PTPRG: variants seen among roughly 807,000 people sequenced by gnomAD.
The protein encoded by PTPRG is receptor-type tyrosine-protein phosphatase gamma.
Under a neutral mutation model 165.3 loss-of-function variants are expected in PTPRG, and 102 were observed. That is an observed-to-expected ratio of 0.62 (90% CI 0.53 to 0.73). The LOEUF (loss-of-function observed/expected upper bound fraction) is 0.73. Ranked by LOEUF, PTPRG falls within the 30% of genes least tolerant of loss-of-function variation. PTPRG has a pLI of 0.00. For synonymous variants in PTPRG, 675 were observed against 669.5 expected (o/e 1.01, Z -0.13); for missense variants, 1,866 against 1,861.4 (o/e 1.00, Z -0.05).
chr3:62,229,970 G>T lies in PTPRG; in HGVS notation c.2289-1255G>T, dbSNP rs1700856635. Among the ~76,000 whole-genome samples, 2 of 152,190 alleles carry T rather than the reference G, an allele frequency of 1.3e-5. No individual in the cohort carries two copies. The highest frequency in any genetic ancestry group is 4.8e-5 in the African/African-American group (2 of 41,450). ...GAAGCTGCAAATTTCAAGTTTTTAT[G>T]AGAATTTGTAAAAACATTCCAACAC... On this transcript the variant is annotated intron_variant, in intron 13 of 29. Coordinates refer to ENST00000474889, the MANE Select transcript of PTPRG (RefSeq NM_002841.4). This position sits in a 1 kb window ranked among gnomAD's most constrained non-coding sequence, Gnocchi z 4.6.
intron 2 of PTPRG, among the ~76,000 whole-genome samples, chr3:61,786,088 C>T (rs938831723): frequency 2.0e-5 from 3 of 152,140 alleles, no homozygotes; most frequent in East Asian, 1.9e-4. Flanking sequence ...CCAAGTTATA[C>T]GTGCCTCTGG....
intron 5 of PTPRG, among the ~76,000 whole-genome samples, chr3:62,086,785 G>A (rs1335426713): frequency 6.6e-6 from 1 of 152,192 alleles, no homozygotes; most frequent in African/African-American, 2.4e-5. Context: ...GAAGGCCAGA[G>A]TCATTCTTAA....
Position 62,231,296 on chromosome 3 carries a change from G to C in PTPRG, c.2360G>C (p.Gly787Ala). Residue 787 changes from glycine (G) to alanine (A), a missense_variant, in exon 14 of 30, where the codon GGA (glycine) becomes GCA (alanine). Around this residue, in one of 3 missense-constraint regions of PTPRG, gnomAD observed 1,452 missense variants for 1,463.0 expected, o/e 0.99. Coordinates refer to ENST00000474889, the MANE Select transcript of PTPRG (RefSeq NM_002841.4). The part of the protein sequence containing the change: ...FREVPSSGER[G>A]EKGSRKCFQT... ...GAAGTGCCTTCTTCTGGGGAGAGAG[G>C]AGAGAAGGGGAGCAGGTGAGGGGCG... is the stretch of plus-strand genomic sequence containing the variant. The C allele has an allele frequency of 6.3e-7, 1 of 1,596,040 alleles. No homozygotes were observed. Among genetic ancestry groups the C allele is most frequent in the Non-Finnish European group, 8.5e-7 (1 of 1,170,874 alleles).
At chr3:62,146,456 C>T (rs541694198) in intron 6 of PTPRG, among the ~76,000 whole-genome samples, 8 of 152,186 alleles carry the variant, frequency 5.3e-5, no homozygotes, top group Non-Finnish European at 1.0e-4. Flanking sequence ...TTATTCATGC[C>T]ATAGTATGGG....
chr3:61,724,145 G>C (rs1210678944), intron 1 of PTPRG, among the ~76,000 whole-genome samples: 3 of 149,606 alleles, frequency 2.0e-5, no homozygotes, highest in Non-Finnish European at 4.4e-5. Context: ...AGGCACTGGA[G>C]GGGGAGGTTG....
intron 4 of PTPRG, among the ~76,000 whole-genome samples, chr3:62,021,307 C>T (rs910835005): frequency 6.6e-6 from 1 of 152,042 alleles, no homozygotes; most frequent in South Asian, 2.1e-4. Context: ...GATCATATAT[C>T]TGGGATAAAC....
chr3:62,021,851 CCTTTT>C (rs1278664695), intron 4 of PTPRG, among the ~76,000 whole-genome samples: 2 of 133,040 alleles, frequency 1.5e-5, no homozygotes, highest in Non-Finnish European at 3.2e-5. Context: ...AGGTCTTTTT[CCTTTT>C]CTTTTTTTTT....
intron 4 of PTPRG, among the ~76,000 whole-genome samples, chr3:62,070,546 G>A (rs997414154): frequency 6.6e-6 from 1 of 152,182 alleles, no homozygotes; most frequent in Non-Finnish European, 1.5e-5. Flanking sequence ...ACAGACTTAC[G>A]TCCTGCGTGC....
intron 2 of PTPRG, among the ~76,000 whole-genome samples, chr3:61,809,492 A>G (rs536726815): frequency 2.6e-5 from 4 of 152,232 alleles, no homozygotes; most frequent in African/African-American, 7.2e-5. Context: ...GACACACAGA[A>G]GATACCCAAG....
intron 2 of PTPRG, among the ~76,000 whole-genome samples, chr3:61,869,624 G>C (rs2037507563): frequency 6.6e-6 from 1 of 151,402 alleles, no homozygotes; most frequent in African/African-American, 2.4e-5. Context: ...TGTCACCCAG[G>C]CGGGAGTGCA....
chr3:62,046,739 T>A (rs1217840721), intron 4 of PTPRG, among the ~76,000 whole-genome samples: 4 of 152,148 alleles, frequency 2.6e-5, no homozygotes, highest in African/African-American at 9.7e-5. Context: ...ATTTTTGTAT[T>A]GAAAAAGCCT....
rs1305380079 is a variant in PTPRG at position 62,228,764 on chromosome 3, T to C, written c.2289-2461T>C. Among the ~76,000 whole-genome samples the C allele has an allele frequency of 6.6e-6, 1 of 152,194 alleles. No homozygotes were observed. Among genetic ancestry groups the C allele is most frequent in the East Asian group, 1.9e-4 (1 of 5,182 alleles). On this transcript the variant is annotated intron_variant, in intron 13 of 29. Transcript: ENST00000474889. This position sits in a 1 kb window ranked among gnomAD's most constrained non-coding sequence, Gnocchi z 4.1. Reference sequence around the variant, plus strand: ...CACTGGGTCAGTCCTGGTTGCTCAATGTCCTCTTATGCTGAGGGAGAGTGA... The same window carrying C: ...CACTGGGTCAGTCCTGGTTGCTCAACGTCCTCTTATGCTGAGGGAGAGTGA...
At position 62,167,999 on chromosome 3, in the gene PTPRG, C is replaced by T; in HGVS notation, c.869C>T (p.Thr290Met). The T allele has an allele frequency of 1.9e-6, 3 of 1,613,608 alleles. No individual in the cohort carries two copies. Among genetic ancestry groups the T allele is most frequent in the Non-Finnish European group, 2.5e-6 (3 of 1,179,798 alleles). The change falls in exon 8 of 30, where the codon ACG becomes ATG. Residue 290 changes from threonine (T) to methionine (M), a missense_variant. Coordinates refer to ENST00000474889, the MANE Select transcript of PTPRG (RefSeq NM_002841.4). ...QLEAFYSIFTTEQQDHVKSVE... is the reference protein window; with the variant it reads ...QLEAFYSIFTMEQQDHVKSVE... ...GAGGCTTTTTATTCCATCTTCACCA[C>T]GGAGCAGCAAGACCATGTCAAGTCG...
At chr3:61,827,945 G>A (rs1467608968) in intron 2 of PTPRG, among the ~76,000 whole-genome samples, 2 of 152,066 alleles carry the variant, frequency 1.3e-5, no homozygotes, top group South Asian at 2.1e-4. Flanking sequence ...TAATCTTACT[G>A]TATTTATTTG....
At chr3:61,932,227 A>G (rs759148372) in intron 2 of PTPRG, among the ~76,000 whole-genome samples, 1 of 152,210 alleles carries the variant, frequency 6.6e-6, no homozygotes, top group African/African-American at 2.4e-5. Flanking sequence ...TTGTGACCTG[A>G]GAGCTGCATC....
At chr3:61,757,379 G>T (rs1158861079) in intron 2 of PTPRG, among the ~76,000 whole-genome samples, 1 of 151,628 alleles carries the variant, frequency 6.6e-6, no homozygotes, top group Admixed American at 6.6e-5. Flanking sequence ...ATGGCTAAAT[G>T]GTATCAAATT....
At chr3:61,990,817 G>T (rs144444884) in intron 3 of PTPRG, among the ~76,000 whole-genome samples, 20 of 151,860 alleles carry the variant, frequency 1.3e-4, no homozygotes, top group Non-Finnish European at 2.2e-4. Flanking sequence ...AGGAGCCTTG[G>T]CTGTCAGAGC....
At chr3:61,980,237 G>C (rs968097734) in intron 2 of PTPRG, among the ~76,000 whole-genome samples, 1 of 152,152 alleles carries the variant, frequency 6.6e-6, no homozygotes, top group African/African-American at 2.4e-5. Context: ...TCAGAATAGT[G>C]CGTGCTCACC....
chr3:62,043,949 A>G (rs1469391526), intron 4 of PTPRG, among the ~76,000 whole-genome samples: 1 of 152,230 alleles, frequency 6.6e-6, no homozygotes. Context: ...AGGGAGCTAG[A>G]AGCAACATGA....
Sources: gnomAD v4.1 joint callset for allele counts (sites outside exome capture counted in the v4.1 genomes callset) on GRCh38, gnomAD v4.1.1 for gene constraint, gnomAD v4.1.1 regional missense constraint, Gnocchi (gnomAD v3.1) non-coding constraint, MANE v1.5 for transcripts, NCBI Gene and HGNC (gene_info 2026-07-23, HGNC 2026-07-21) for gene names.